Variants in KRT25 observed in about 807,000 individuals in gnomAD.
KRT25 encodes keratin, type I cytoskeletal 25.
In KRT25, 37 loss-of-function variants were observed where a neutral mutation model predicts 47.6. The observed-to-expected ratio is 0.78, with a 90% CI of 0.60 to 1.02. The LOEUF is 1.02. Ranked by LOEUF, KRT25 falls within the 50% of genes least tolerant of loss-of-function variation. The pLI is 0.00. For synonymous variants in KRT25, 203 were observed against 210.2 expected, an observed-to-expected ratio of 0.97 and a Z score of 0.30; for missense variants, 542 against 550.3, an observed-to-expected ratio of 0.98 and a Z score of 0.15.
At position 40,751,077 on chromosome 17, in the gene KRT25, G is replaced by C. The variant is rs1172395330; in HGVS notation, c.834C>G (p.Ser278Arg). 1.9e-6 allele frequency: 3 copies of C among 1,614,154 alleles called. No homozygotes were observed. In the South Asian group the frequency reaches 3.3e-5, roughly 18 times the overall value. The change falls in exon 5 of 8, where the codon AGC becomes AGG. Residue 278 changes from serine to arginine, a missense_variant and splice_region_variant. Ser to Arg is a moderately radical substitution (Grantham distance 110). Coordinates refer to ENST00000312150, the MANE Select transcript of KRT25 (RefSeq NM_181534.4). ...CAGAGATCTGCTGCTGCAGGGAGGCGCTCTGAAATGACATAAGTGAAGGAG... is the reference window on the plus strand; with the variant it reads ...CAGAGATCTGCTGCTGCAGGGAGGCCCTCTGAAATGACATAAGTGAAGGAG... ...RDAEAWFNEK[S>R]ASLQQQISED...
Position 40,755,185 on chromosome 17 carries a change from G to A in KRT25, c.87C>T (p.Ser29=), listed in dbSNP as rs776093481. The A allele has an allele frequency of 1.2e-6, 2 of 1,614,052 alleles. No homozygotes were observed. The highest frequency in any genetic ancestry group is 1.7e-6 in the Non-Finnish European group (2 of 1,180,032). The change falls in exon 1 of 8, where the codon AGC becomes AGT. Residue 29 remains serine, a synonymous_variant. Transcript: ENST00000312150. ...GSLRLYGGGT[S]FGTGNSCGIS... ...TGCCACAAGAATTTCCAGTACCAAA[G>A]CTGGTTCCCCCACCATAGAGTCTGA...
At chr17:40,754,299 T>C (rs1226938908) in intron 2 of KRT25, 87 bp downstream of exon 2, 1 of 1,108,984 alleles carries the variant, frequency 9.0e-7, no homozygotes. Flanking sequence ...TCAAGTGTTT[T>C]ATAATTTTGG....
At chr17:40,754,106 A>C in intron 2 of KRT25, 90 bp from the exon 3 acceptor site, 1 of 1,311,360 alleles carries the variant, frequency 7.6e-7, no homozygotes, top group Non-Finnish European at 1.1e-6. Flanking sequence ...AGCATTCTGG[A>C]ATTTTGAAGA....
Position 40,754,855 on chromosome 17 carries a change from G to T in KRT25, c.417C>A (p.Asp139Glu), listed in dbSNP as rs1271659516. The change falls in exon 1 of 8, where the codon GAC (aspartate) becomes GAA (glutamate). Residue 139 changes from aspartate to glutamate, a missense_variant. Physicochemically the swap from Asp to Glu is conservative, Grantham distance 45 (BLOSUM62 2). Coordinates refer to ENST00000312150, the MANE Select transcript of KRT25 (RefSeq NM_181534.4). Reference sequence around the variant, plus strand: ...TATGATTTCTTACCTGATTTTTAAGGTCATCAATTATTGGGAAATATCTGC... The same window carrying T: ...TATGATTTCTTACCTGATTTTTAAGTTCATCAATTATTGGGAAATATCTGC... ...DYSRYFPIIDDLKNQIIASTT... is the reference protein window; with the variant it reads ...DYSRYFPIIDELKNQIIASTT... 1.2e-6 allele frequency: 2 copies of T among 1,610,956 alleles called. No individual in the cohort carries two copies. The highest frequency in any genetic ancestry group is 2.7e-5 in the African/African-American group (2 of 74,906).
intron 3 of KRT25, among the ~76,000 whole-genome samples, chr17:40,752,147 C>G (rs1415596540): frequency 6.6e-6 from 1 of 151,986 alleles, no homozygotes; most frequent in Non-Finnish European, 1.5e-5. Flanking sequence ...TAAAAGAAGT[C>G]AAAGAACTAA....
At chr17:40,754,718 CA>C (rs33924883) in intron 1 of KRT25, 124 bp downstream of exon 1, 63,690 of 598,494 alleles carry the variant, frequency 0.11, 40 homozygotes, top group East Asian at 0.13. Context: ...AACTCCTTCT[CA>C]AAAAAAAAAA....
rs1469918580 is a variant in KRT25 at position 40,749,405 on chromosome 17, T to G, written c.1176-80A>C. 4 of 1,049,626 alleles carry G rather than the reference T, an allele frequency of 3.8e-6. No homozygotes were observed. In the East Asian group the frequency reaches 9.5e-5, roughly 25 times the overall value. The allele number at this position is 1,049,626 out of a possible 1,614,324, so 65.0% of individuals were successfully genotyped here. ...ATCACCATATGGTTTTCTTTAGCTC[T>G]TTGGTAGTTTCAACTGTGTAACCCA... On this transcript the variant is annotated intron_variant, in intron 6 of 7. Coordinates refer to ENST00000312150, the MANE Select transcript of KRT25 (RefSeq NM_181534.4).
In KRT25 at chr17:40,750,504, G is replaced by C; in HGVS notation, c.1051C>G (p.Gln351Glu). Residue 351 changes from glutamine to glutamate, a missense_variant, in exon 6 of 8, where the codon CAG becomes GAG. Coordinates refer to ENST00000312150, the MANE Select transcript of KRT25 (RefSeq NM_181534.4). The part of the protein sequence containing the change: ...IQAQIGALEE[Q>E]LHQVRTETEG... ...GTCTCGGTTCTGACCTGGTGCAGCT[G>C]CTCCTCCAGGGCCCCGATCTGAGCC... 6.2e-7 allele frequency: 1 copy of C among 1,614,172 alleles called. No individual in the cohort carries two copies. The highest frequency in any genetic ancestry group is 1.1e-5 in the South Asian group (1 of 91,082).
intron 3 of KRT25, 34 bp from the exon 4 acceptor site, chr17:40,751,360 AG>A: frequency 6.4e-7 from 1 of 1,570,926 alleles, no homozygotes; most frequent in Non-Finnish European, 8.6e-7. Context: ...TCAGCTCTGC[AG>A]GAATCTCATG....
Position 40,748,364 on chromosome 17 carries a change from A to G in KRT25, c.1266T>C (p.Val422=). Residue 422 remains valine (V), a synonymous_variant, in exon 8 of 8, where the codon GTT becomes GTC. Coordinates refer to ENST00000312150, the MANE Select transcript of KRT25 (RefSeq NM_181534.4). ...QVKDPAKAIV[V]KKVLEEVDQR... is the part of the protein sequence containing the mutation. ...GGTCTACCTCCTCAAGAACTTTCTT[A>G]ACCACTATGGCTTTGGCTGGGTCTG... is the stretch of plus-strand genomic sequence containing the variant. 1 of 1,612,538 alleles carries G rather than the reference A, an allele frequency of 6.2e-7. No individual in the cohort carries two copies. Among genetic ancestry groups the G allele is most frequent in the Non-Finnish European group, 8.5e-7 (1 of 1,179,218 alleles).
At chr17:40,750,345 T>C in intron 6 of KRT25, 35 bp downstream of exon 6, 1 of 1,602,452 alleles carries the variant, frequency 6.2e-7, no homozygotes, top group Non-Finnish European at 8.5e-7. Flanking sequence ...CAGATTTCAG[T>C]ATATTACGCC....
rs9900557 is a variant in KRT25 at position 40,754,677 on chromosome 17, G to C, written c.429+166C>G. Among the ~76,000 whole-genome samples the C allele has an allele frequency of 0.53, 75,866 of 141,874 alleles. 20,284 individuals are homozygous for C. Among genetic ancestry groups the C allele is most frequent in the East Asian group, 0.84 (4,151 of 4,926 alleles). The allele number at this position is 141,874 out of a possible 152,430, so 93.1% of individuals were successfully genotyped here. A position where few individuals can be genotyped will look rare whatever the true frequency, so the allele number is the denominator to read the frequency against. On this transcript the variant is annotated intron_variant, in intron 1 of 7. Coordinates refer to ENST00000312150, the MANE Select transcript of KRT25 (RefSeq NM_181534.4). ...AGGTTGCAGTGAGCCAAGATCCCAC[G>C]GTTGCACTCCAGCCTGGGCAACAAG...
chr17:40,753,979 CCT>C lies in KRT25; in HGVS notation c.548_549del (p.Glu183GlyfsTer2). 6.2e-7 allele frequency: 1 copy of C among 1,614,008 alleles called. No individual in the cohort carries two copies. Among genetic ancestry groups the C allele is most frequent in the Non-Finnish European group, 8.5e-7 (1 of 1,179,938 alleles). ...ACTCTTCGTAACCCATTGACATCAG[CCT>C]CTACACTCTGGTGAAGAGCCAGCTC... is the stretch of plus-strand genomic sequence containing the variant. ...ENELALHQSVEADVNGLRRVL... is the reference protein window; with the variant it reads ...ENELALHQSVXADVNGLRRVL... On this transcript the variant is annotated frameshift_variant, in exon 3 of 8. Coordinates refer to ENST00000312150, the MANE Select transcript of KRT25 (RefSeq NM_181534.4). LOFTEE classifies it high-confidence loss of function.
At chr17:40,753,562 T>TCTCAAAAAAAAA in intron 3 of KRT25, among the ~76,000 whole-genome samples, 1 of 151,448 alleles carries the variant, frequency 6.6e-6, no homozygotes, top group East Asian at 1.9e-4. Flanking sequence ...CGGGCGCCTG[T>TCTCAAAAAAAAA]AGTCCCAGCT....
Position 40,750,666 on chromosome 17 carries a change from T to C in KRT25, c.958-69A>G. The C allele has an allele frequency of 2.5e-6, 4 of 1,594,132 alleles. No homozygotes were observed. In the East Asian group the frequency reaches 9.0e-5, roughly 36 times the overall value. ...ATGCAGGGATTTCTTTGATACATGA[T>C]TTTCTCCTGCTGTTAACTTTACATA... On this transcript the variant is annotated intron_variant, in intron 5 of 7. Coordinates refer to ENST00000312150, the MANE Select transcript of KRT25 (RefSeq NM_181534.4).
At chr17:40,750,683 CTT>C (rs2038038165) in intron 5 of KRT25, 86 bp from the exon 6 acceptor site, 1 of 1,565,116 alleles carries the variant, frequency 6.4e-7, no homozygotes, top group African/African-American at 1.4e-5. Flanking sequence ...CTGCTGTTAA[CTT>C]TACATATAAT....
chr17:40,749,672 C>G (rs2038028393), intron 6 of KRT25, among the ~76,000 whole-genome samples: 1 of 152,078 alleles, frequency 6.6e-6, no homozygotes. Context: ...ATTTATATAG[C>G]TGTGTAAGGA....
intron 3 of KRT25, among the ~76,000 whole-genome samples, chr17:40,751,803 A>C (rs2038050523): frequency 6.6e-6 from 1 of 152,060 alleles, no homozygotes; most frequent in East Asian, 1.9e-4. Context: ...ACATGGTTGA[A>C]GGGTTGAGTA....
intron 3 of KRT25, among the ~76,000 whole-genome samples, chr17:40,753,651 T>C (rs2038072891): frequency 8.7e-6 from 1 of 114,314 alleles, no homozygotes; most frequent in Non-Finnish European, 1.6e-5. Context: ...ACCATTGCAC[T>C]TCAGCCTGGA....
Sources: gnomAD v4.1 joint callset for allele counts (sites outside exome capture counted in the v4.1 genomes callset) on GRCh38, gnomAD v4.1.1 for gene constraint, MANE v1.5 for transcripts, NCBI Gene and HGNC (gene_info 2026-07-23, HGNC 2026-07-21) for gene names.